TEX2: variants seen among roughly 807,000 people sequenced by gnomAD.
TEX2 encodes testis expressed 2.
A neutral mutation model predicts 106.9 loss-of-function variants in TEX2; 53 were observed. The ratio of observed to expected loss-of-function variants is 0.50; its 90% CI spans 0.40 to 0.62. The LOEUF is 0.62. Ranked by LOEUF, TEX2 falls within the 20% of genes least tolerant of loss-of-function variation. TEX2 has a pLI of 0.00. For synonymous variants in TEX2, 523 were observed against 534.8 expected, an observed-to-expected ratio of 0.98 and a Z score of 0.30; for missense variants, 1,207 against 1,379.0, an observed-to-expected ratio of 0.88 and a Z score of 1.98.
In TEX2 at chr17:64,171,125, G is replaced by A; in HGVS notation, c.2646C>T (p.Ala882=). ...MGVAVPKILQ[A]FKPYVDHQGL... is the part of the protein sequence containing the mutation. The stretch of plus-strand genomic sequence containing the variant: ...CTTGGTGATCAACGTAAGGCTTGAA[G>A]GCCTGGAGGATTTTTGGCACAGCCA... The change falls in exon 7 of 12, where the codon GCC becomes GCT. Residue 882 remains alanine, a synonymous_variant. Coordinates refer to ENST00000584379, the MANE Select transcript of TEX2 (RefSeq NM_001288732.2). 1 of 1,614,150 alleles carries A rather than the reference G, an allele frequency of 6.2e-7. No homozygotes were observed. Among genetic ancestry groups the A allele is most frequent in the African/African-American group, 1.3e-5 (1 of 75,058 alleles).
At chr17:64,170,342 A>T (rs1312007341) in intron 7 of TEX2, among the ~76,000 whole-genome samples, 1 of 152,220 alleles carries the variant, frequency 6.6e-6, no homozygotes, top group Non-Finnish European at 1.5e-5. Context: ...AAAGTCAAAA[A>T]ATCTGGAACC....
In TEX2 at chr17:64,171,083, G is replaced by A; in HGVS notation, c.2671+17C>T. 1 of 1,594,460 alleles carries A rather than the reference G, an allele frequency of 6.3e-7. No homozygotes were observed. The highest frequency in any genetic ancestry group is 8.6e-7 in the Non-Finnish European group (1 of 1,162,182). On this transcript the variant is annotated intron_variant, in intron 7 of 11. Transcript: ENST00000584379. ...GGATATATTTTAACACTCATAGAATGGTCAGTTAGGAGTTACCTTGGTGAT... is the reference window on the plus strand; with the variant it reads ...GGATATATTTTAACACTCATAGAATAGTCAGTTAGGAGTTACCTTGGTGAT...
chr17:64,220,713 G>A (rs1268771683), intron 1 of TEX2, among the ~76,000 whole-genome samples: 7 of 152,218 alleles, frequency 4.6e-5, no homozygotes, highest in Non-Finnish European at 7.3e-5. Context: ...AGATGCTGGT[G>A]AGACTGTGGA....
rs2034182057 is a variant in TEX2, at chr17:64,256,248, C to T, written c.-26+6920G>A. On this transcript the variant is annotated intron_variant, in intron 1 of 11. Transcript: ENST00000584379. ...CAGCCCTGAGAGTCAGCAAACCCTA[C>T]CCACAGTCCTTTCTGTACATGCCAG... is the stretch of plus-strand genomic sequence containing the variant. Among the ~76,000 whole-genome samples the T allele has an allele frequency of 1.3e-5, 2 of 152,180 alleles. 1 individual carries two copies. Among genetic ancestry groups the T allele is most frequent in the South Asian group, 4.1e-4 (2 of 4,826 alleles).
At chr17:64,170,620 A>ATTTTTTTT (rs1438812052) in intron 7 of TEX2, among the ~76,000 whole-genome samples, 2 of 56,546 alleles carry the variant, frequency 3.5e-5, no homozygotes, top group African/African-American at 6.4e-5. Context: ...TCTATTCCAA[A>ATTTTTTTT]TCTTTTTTTT....
Position 64,171,944 on chromosome 17 carries a change from C to T in TEX2, c.2572-745G>A, listed in dbSNP as rs367705285. The stretch of plus-strand genomic sequence containing the variant: ...GCGGTGAGCTGAGAATGTGCCACTG[C>T]ACCCCAGCCTGGAGGACAGAGCGAG... On this transcript the variant is annotated intron_variant, in intron 6 of 11. Coordinates refer to ENST00000584379, the MANE Select transcript of TEX2 (RefSeq NM_001288732.2). 5.7e-4 allele frequency among the ~76,000 whole-genome samples: 85 copies of T among 149,624 alleles called. No individual in the cohort carries two copies. In the South Asian group the frequency reaches 0.017, roughly 30 times the overall value.
rs369331902 is a variant in TEX2, at chr17:64,236,093, C to T, written c.-25-21851G>A. 8.5e-5 allele frequency among the ~76,000 whole-genome samples: 13 copies of T among 152,100 alleles called. No homozygotes were observed. In the East Asian group the frequency reaches 1.7e-3, roughly 20 times the overall value. ...ATAGCAATCTAAATAGCTTAAGGTACAGCCGGCTCTCCATACCCACAGGTT... is the reference window on the plus strand; with the variant it reads ...ATAGCAATCTAAATAGCTTAAGGTATAGCCGGCTCTCCATACCCACAGGTT... On this transcript the variant is annotated intron_variant, in intron 1 of 11. Coordinates refer to ENST00000584379, the MANE Select transcript of TEX2 (RefSeq NM_001288732.2).
Position 64,149,016 on chromosome 17 carries a change from A to C in TEX2, c.3337T>G (p.Ser1113Ala). The C allele has an allele frequency of 6.2e-7, 1 of 1,614,218 alleles. No individual in the cohort carries two copies. The highest frequency in any genetic ancestry group is 8.5e-7 in the Non-Finnish European group (1 of 1,180,028). The change falls in exon 12 of 12, where the codon TCC becomes GCC. Residue 1113 changes from serine (S) to alanine (A), a missense_variant. Physicochemically the swap from Ser to Ala is moderately conservative, Grantham distance 99. Coordinates refer to ENST00000584379, the MANE Select transcript of TEX2 (RefSeq NM_001288732.2). ...ACAGGTGGGTCTTTCAGGAGGCAGG[A>C]AGTAGAGCGAGGGTCCATGGCTGAG... ...MHSAMDPRSTSCLLKDPPVEA... is the reference protein window; with the variant it reads ...MHSAMDPRSTACLLKDPPVEA...
rs2030105778 is a variant in TEX2 at position 64,147,581 on chromosome 17, CACA to C, written c.*1385_*1387del. 6.6e-6 allele frequency: 1 copy of C among 152,580 alleles called. No individual in the cohort carries two copies. The highest frequency in any genetic ancestry group is 1.9e-4 in the East Asian group (1 of 5,182). The allele number at this position is 152,580 out of a possible 1,614,324, so 9.5% of individuals were successfully genotyped here. On this transcript the variant is annotated 3_prime_UTR_variant, in exon 12 of 12. Coordinates refer to ENST00000584379, the MANE Select transcript of TEX2 (RefSeq NM_001288732.2). ...TCTAGTCCTTAGCCTTTAGTTATTG[CACA>C]ACAATTATAAAGACCAGTGACCAGG...
chr17:64,230,525 C>G (rs1555634497), intron 1 of TEX2: 1 of 152,218 alleles, frequency 6.6e-6, no homozygotes, highest in Non-Finnish European at 1.5e-5. Context: ...TGGATCATGC[C>G]AAGAAAGGAT....
At chr17:64,184,620 T>G (rs1300139490) in intron 5 of TEX2, among the ~76,000 whole-genome samples, 2 of 152,252 alleles carry the variant, frequency 1.3e-5, no homozygotes, top group Admixed American at 1.3e-4. Context: ...AATTTACCTA[T>G]CTTTTCTTTG....
chr17:64,173,732 T>C (rs2031508629), intron 6 of TEX2, among the ~76,000 whole-genome samples: 1 of 152,236 alleles, frequency 6.6e-6, no homozygotes, highest in African/African-American at 2.4e-5. Flanking sequence ...TCTTGCACAA[T>C]TGCCCTGTCC....
chr17:64,150,986 C>G, intron 10 of TEX2, 25 bp from the exon 11 acceptor site: 1 of 1,609,680 alleles, frequency 6.2e-7, no homozygotes, highest in Non-Finnish European at 8.5e-7. Flanking sequence ...GTAATAACCA[C>G]ATTTAGAAGC....
rs1043468046 is a variant in TEX2, at chr17:64,195,233, A to G, written c.1645-138T>C. On this transcript the variant is annotated intron_variant, in intron 2 of 11. Transcript: ENST00000584379. The surrounding 1 kb of genome is among the most constrained non-coding windows in gnomAD (Gnocchi z 4.1). The stretch of plus-strand genomic sequence containing the variant: ...CAGATATCAGCTCACCAATGACTAC[A>G]GGTTGCAAAGAGAAGTGCTTAGCTG... 11 of 777,564 alleles carry G rather than the reference A, an allele frequency of 1.4e-5. No individual in the cohort carries two copies. Among genetic ancestry groups the G allele is most frequent in the East Asian group, 1.3e-4 (5 of 37,280 alleles). 48.2% of individuals were successfully genotyped at this position (777,564 alleles called of 1,614,324 possible). A position where few individuals can be genotyped will look rare whatever the true frequency, so the allele number is the denominator to read the frequency against.
chr17:64,200,991 CAAAT>C (rs575157122), intron 2 of TEX2, among the ~76,000 whole-genome samples: 32 of 152,274 alleles, frequency 2.1e-4, no homozygotes, highest in African/African-American at 5.1e-4. Flanking sequence ...TGCTAAAAAA[CAAAT>C]AAACACAGCA....
chr17:64,170,346 T>C (rs1348909118), intron 7 of TEX2, among the ~76,000 whole-genome samples: 1 of 152,140 alleles, frequency 6.6e-6, no homozygotes. Flanking sequence ...TCAAAAAATC[T>C]GGAACCTACA....
intron 1 of TEX2, among the ~76,000 whole-genome samples, chr17:64,223,753 T>C (rs1457641077): frequency 3.4e-5 from 5 of 147,508 alleles, no homozygotes; most frequent in Non-Finnish European, 7.5e-5. Flanking sequence ...TTCACTCTTA[T>C]TGCCCAGGCT....
Position 64,213,978 on chromosome 17 carries a change from T to G in TEX2, c.240A>C (p.Gln80His). 1 of 1,614,140 alleles carries G rather than the reference T, an allele frequency of 6.2e-7. No homozygotes were observed. The highest frequency in any genetic ancestry group is 8.5e-7 in the Non-Finnish European group (1 of 1,180,022). The change falls in exon 2 of 12, where the codon CAA (glutamine) becomes CAC (histidine). Residue 80 changes from glutamine to histidine, a missense_variant. Physicochemically the swap from Gln to His is conservative, Grantham distance 24 (BLOSUM62 0). Coordinates refer to ENST00000584379, the MANE Select transcript of TEX2 (RefSeq NM_001288732.2). The surrounding 1 kb of genome is among the most constrained non-coding windows in gnomAD (Gnocchi z 4.4). ...CAGGGCCGGCGGGGTCATGGCCAAC[T>G]TGGGGTTCAAGATAGAGGTCTTCCT... The part of the protein sequence containing the change: ...EAKEDLYLEP[Q>H]VGHDPAGPAA...
At chr17:64,203,496 T>C (rs2032735783) in intron 2 of TEX2, among the ~76,000 whole-genome samples, 1 of 152,220 alleles carries the variant, frequency 6.6e-6, no homozygotes. Flanking sequence ...TAAACCTTTT[T>C]TGATGTATTA....
Sources: allele counts gnomAD v4.1 joint callset (sites outside exome capture counted in the v4.1 genomes callset), GRCh38; gene constraint gnomAD v4.1.1; non-coding constraint Gnocchi (gnomAD v3.1); transcripts MANE v1.5; gene names NCBI Gene and HGNC (gene_info 2026-07-23, HGNC 2026-07-21).